The following FECH variants were observed in gnomAD, a reference collection of about 807,000 sequenced individuals.
FECH encodes ferrochelatase.
FECH carries 40 observed loss-of-function variants against 56.9 expected under a neutral mutation model. The ratio of observed to expected loss-of-function variants is 0.70; its 90% CI spans 0.55 to 0.92. The LOEUF is 0.92. Among genes scored for constraint, FECH ranks in the 40% least tolerant of loss-of-function variants. The pLI is 0.00. For missense variants in FECH, 431 were observed against 529.1 expected (o/e 0.81, Z 1.82); for synonymous variants, 175 against 198.6 (o/e 0.88, Z 1.00).
intron 8 of FECH, among the ~76,000 whole-genome samples, chr18:57,554,630 C>A (rs549685051): frequency 2.6e-5 from 4 of 152,304 alleles, no homozygotes; most frequent in African/African-American, 9.6e-5. Context: ...TCTGTCATTG[C>A]AGCTAAAGGT....
At chr18:57,571,282 A>G in intron 4 of FECH, 110 bp downstream of exon 4, 1 of 1,159,016 alleles carries the variant, frequency 8.6e-7, no homozygotes, top group Non-Finnish European at 1.3e-6. Flanking sequence ...GAAACACCAC[A>G]AATTGAGTTG....
intron 6 of FECH, among the ~76,000 whole-genome samples, chr18:57,562,545 A>G (rs568720087): frequency 1.5e-3 from 226 of 152,310 alleles, no homozygotes; most frequent in Non-Finnish European, 2.6e-3. Context: ...TCAGTCACTC[A>G]ACCTACAAAT....
chr18:57,579,042 G>A (rs2051226490), intron 2 of FECH, among the ~76,000 whole-genome samples: 2 of 151,964 alleles, frequency 1.3e-5, no homozygotes, highest in South Asian at 2.1e-4. Flanking sequence ...GAAGTCAGGA[G>A]TTTGAGACCA....
chr18:57,584,178 CAA>C (rs373579412), intron 1 of FECH, among the ~76,000 whole-genome samples: 95,751 of 137,310 alleles, frequency 0.7, 33,011 homozygotes, highest in East Asian at 0.95. Context: ...GACTCCGTCT[CAA>C]AAAAAAAAAA....
intron 4 of FECH, chr18:57,567,866 C>G (rs932841128): frequency 2.6e-5 from 4 of 152,204 alleles, no homozygotes; most frequent in African/African-American, 9.7e-5. Context: ...TCAGTATTCT[C>G]TGGTTGGGTA....
chr18:57,570,032 CGTGT>C (rs10608112), intron 4 of FECH, among the ~76,000 whole-genome samples: 8,350 of 122,538 alleles, frequency 0.068, 513 homozygotes, highest in African/African-American at 0.16. Flanking sequence ...TTGTTGTTGT[CGTGT>C]GTGTGTGTGT....
intron 2 of FECH, among the ~76,000 whole-genome samples, chr18:57,573,633 G>A (rs757301750): frequency 5.9e-5 from 9 of 151,972 alleles, no homozygotes; most frequent in African/African-American, 1.2e-4. Flanking sequence ...TTAAAGTCTC[G>A]GCCTGAAGAG....
chr18:57,574,340 A>G (rs1031373184), intron 2 of FECH, among the ~76,000 whole-genome samples: 2 of 152,030 alleles, frequency 1.3e-5, no homozygotes, highest in Non-Finnish European at 2.9e-5. Flanking sequence ...ACCTCCCTCT[A>G]TTCCTTCATC....
intron 4 of FECH, among the ~76,000 whole-genome samples, chr18:57,568,740 G>C (rs1271362420): frequency 6.6e-6 from 1 of 152,158 alleles, no homozygotes; most frequent in Non-Finnish European, 1.5e-5. Flanking sequence ...TTTTTAAACA[G>C]CAAAAACTTC....
intron 8 of FECH, 136 bp from the exon 9 acceptor site, chr18:57,554,560 G>A: frequency 1.1e-6 from 1 of 950,108 alleles, no homozygotes; most frequent in Non-Finnish European, 1.7e-6. Flanking sequence ...AATGGATTTT[G>A]ATATTTTCAC....
chr18:57,568,062 C>G (rs141575757), intron 4 of FECH, among the ~76,000 whole-genome samples: 5 of 152,096 alleles, frequency 3.3e-5, no homozygotes, highest in Non-Finnish European at 7.4e-5. Flanking sequence ...TGCTAAAAAC[C>G]GCCAACTATT....
intron 4 of FECH, among the ~76,000 whole-genome samples, chr18:57,570,354 C>A (rs2051086839): frequency 6.6e-6 from 1 of 152,116 alleles, no homozygotes; most frequent in Non-Finnish European, 1.5e-5. Flanking sequence ...AGGAAGCAAG[C>A]CGAATATGCA....
At chr18:57,586,374 G>A (rs1169540264) in intron 1 of FECH, among the ~76,000 whole-genome samples, 180 bp downstream of exon 1, 4 of 151,898 alleles carry the variant, frequency 2.6e-5, no homozygotes. Context: ...GGCCTCCCGA[G>A]CCCTGAGTGC....
intron 5 of FECH, 43 bp from the exon 6 acceptor site, chr18:57,563,023 G>T (rs1002750561): frequency 1.3e-6 from 2 of 1,521,040 alleles, no homozygotes; most frequent in Non-Finnish European, 1.8e-6. Flanking sequence ...TTTTGATTAT[G>T]GTGAAAATAA....
rs1167192255 is a variant in FECH, at chr18:57,551,359, T to C, written c.1093A>G (p.Ile365Val). The change falls in exon 10 of 11, where the codon ATC becomes GTC. Residue 365 changes from isoleucine (I) to valine (V), a missense_variant. Physicochemically the swap from Ile to Val is conservative, Grantham distance 29. Coordinates refer to ENST00000262093, the MANE Select transcript of FECH (RefSeq NM_000140.5). ...CCATTAAGAGACTCAGCTCTTCTGA[T>C]GTTTTCAACTCCACACTGAATCAAA... is the stretch of plus-strand genomic sequence containing the variant. ...VLAKECGVEN[I>V]RRAESLNGNP... The C allele has an allele frequency of 6.2e-7, 1 of 1,612,882 alleles. No individual in the cohort carries two copies. Among genetic ancestry groups the C allele is most frequent in the Non-Finnish European group, 8.5e-7 (1 of 1,179,064 alleles).
chr18:57,581,627 G>A (rs2051278795), intron 1 of FECH, among the ~76,000 whole-genome samples: 1 of 152,228 alleles, frequency 6.6e-6, no homozygotes, highest in African/African-American at 2.4e-5. Context: ...TACTAGCAAT[G>A]TGACCTGGGG....
At chr18:57,567,506 T>G (rs887230297) in intron 4 of FECH, among the ~76,000 whole-genome samples, 2 of 152,260 alleles carry the variant, frequency 1.3e-5, no homozygotes, top group Non-Finnish European at 2.9e-5. Context: ...TTACTTAGTC[T>G]TGTTTCCTTG....
intron 5 of FECH, among the ~76,000 whole-genome samples, chr18:57,566,214 C>T (rs1455267161): frequency 6.6e-6 from 1 of 152,190 alleles, no homozygotes; most frequent in Non-Finnish European, 1.5e-5. Flanking sequence ...CACTGACAGC[C>T]ACTGCCTACC....
intron 1 of FECH, among the ~76,000 whole-genome samples, chr18:57,583,953 G>A (rs575806842): frequency 2.0e-5 from 3 of 152,110 alleles, no homozygotes; most frequent in African/African-American, 4.8e-5. Context: ...AGGCCGAGGC[G>A]GGCAGATCAC....
Sources: gnomAD v4.1 joint callset for allele counts (sites outside exome capture counted in the v4.1 genomes callset) on GRCh38, gnomAD v4.1.1 for gene constraint, MANE v1.5 for transcripts, NCBI Gene and HGNC (gene_info 2026-07-23, HGNC 2026-07-21) for gene names.